The following KLHL24 variants were observed in gnomAD, a reference collection of about 807,000 sequenced individuals.
KLHL24 encodes the protein kelch like family member 24.
A neutral mutation model predicts 53.4 loss-of-function variants in KLHL24; 29 were observed. That is an observed-to-expected ratio of 0.54 (90% CI 0.40 to 0.74). The LOEUF (loss-of-function observed/expected upper bound fraction) is 0.74. KLHL24 is among the 30% of genes least tolerant of loss of function. The probability of loss-of-function intolerance (pLI) is 0.00; values close to 1 mark genes in which losing one functional copy is unlikely to be tolerated. For synonymous variants in KLHL24, 222 were observed against 253.7 expected, an observed-to-expected ratio of 0.88 and a Z score of 1.19; for missense variants, 504 against 744.0, an observed-to-expected ratio of 0.68 and a Z score of 3.75.
At chr3:183,654,937 A>G (rs374311607) in intron 3 of KLHL24, among the ~76,000 whole-genome samples, 3 of 152,238 alleles carry the variant, frequency 2.0e-5, no homozygotes, top group East Asian at 3.8e-4. Flanking sequence ...AATATATTGC[A>G]TCATATTAGG....
chr3:183,664,841 C>A lies in KLHL24; in HGVS notation c.1106-80C>A. ...TGAATGAATTCCATGTTTTCTTTAC[C>A]TATGCCTTGGTGGCACAGATCTCTT... On this transcript the variant is annotated intron_variant, in intron 4 of 7. Coordinates refer to ENST00000242810, the MANE Select transcript of KLHL24 (RefSeq NM_017644.3). The A allele has an allele frequency of 1.5e-6, 1 of 669,358 alleles. No individual in the cohort carries two copies. The highest frequency in any genetic ancestry group is 2.5e-6 in the Non-Finnish European group (1 of 397,760). 41.5% of individuals were successfully genotyped at this position (669,358 alleles called of 1,614,324 possible). A position where few individuals can be genotyped will look rare whatever the true frequency, so the allele number is the denominator to read the frequency against.
At chr3:183,649,488 G>A (rs553036437) in intron 2 of KLHL24, among the ~76,000 whole-genome samples, 9 of 147,822 alleles carry the variant, frequency 6.1e-5, no homozygotes, top group Non-Finnish European at 8.9e-5. Flanking sequence ...TAAATCTGTC[G>A]ACATAATTCT....
intron 2 of KLHL24, among the ~76,000 whole-genome samples, chr3:183,646,220 G>A (rs968259304): frequency 1.9e-4 from 29 of 151,648 alleles, no homozygotes; most frequent in Admixed American, 4.6e-4. Flanking sequence ...AAATTAGCCC[G>A]GCATGGTGGC....
In KLHL24 at chr3:183,665,115, C is replaced by T. The variant is rs1186015898; in HGVS notation, c.1224+76C>T. 4 of 770,452 alleles carry T rather than the reference C, an allele frequency of 5.2e-6. No homozygotes were observed. In the African/African-American group the frequency reaches 6.9e-5, roughly 13 times the overall value. 47.7% of individuals were successfully genotyped at this position (770,452 alleles called of 1,614,324 possible). A position where few individuals can be genotyped will look rare whatever the true frequency, so the allele number is the denominator to read the frequency against. ...TACCACAGCTGAATCTTTCATTTTA[C>T]TCACCCTCTGGGTATTTTGGATTCA... On this transcript the variant is annotated intron_variant, in intron 5 of 7. Coordinates refer to ENST00000242810, the MANE Select transcript of KLHL24 (RefSeq NM_017644.3).
At chr3:183,636,602 T>C (rs1421380988) in intron 1 of KLHL24, 1 of 152,268 alleles carries the variant, frequency 6.6e-6, no homozygotes, top group African/African-American at 2.4e-5. Flanking sequence ...ACACCCCGGG[T>C]GAAGACTGTT....
At chr3:183,678,580 T>C (rs1218905709) in intron 7 of KLHL24, among the ~76,000 whole-genome samples, 1 of 152,040 alleles carries the variant, frequency 6.6e-6, no homozygotes, top group African/African-American at 2.4e-5. Context: ...ATAGGTACAC[T>C]GTGTCATGGG....
rs140126479 is a variant in KLHL24, at chr3:183,652,513, T to C, written c.920+1237T>C. Among the ~76,000 whole-genome samples, 124 of 152,328 alleles carry C rather than the reference T, an allele frequency of 8.1e-4. 3 individuals carry two copies. In the East Asian group the frequency reaches 0.021, roughly 26 times the overall value. ...TTTTTAATTATACATTTCAGTAATG[T>C]TAAGTATATTTACATTGTTGTGAAA... On this transcript the variant is annotated intron_variant, in intron 3 of 7. Coordinates refer to ENST00000242810, the MANE Select transcript of KLHL24 (RefSeq NM_017644.3).
chr3:183,639,649 AAAAAT>A (rs67388542), intron 1 of KLHL24, among the ~76,000 whole-genome samples: 31,153 of 135,078 alleles, frequency 0.23, 3,829 homozygotes, highest in African/African-American at 0.29. Context: ...AAAAAAAAAA[AAAAAT>A]CTCAAATTTG....
Position 183,682,069 on chromosome 3 carries a change from TTTTTACA to T in KLHL24, c.*2787_*2793del, listed in dbSNP as rs999685014. 5 of 152,146 alleles carry T rather than the reference TTTTTACA, an allele frequency of 3.3e-5. No individual in the cohort carries two copies. Among genetic ancestry groups the T allele is most frequent in the African/African-American group, 1.2e-4 (5 of 41,444 alleles). The allele number at this position is 152,146 out of a possible 1,614,324, so 9.4% of individuals were successfully genotyped here. A position where few individuals can be genotyped will look rare whatever the true frequency, so the allele number is the denominator to read the frequency against. On this transcript the variant is annotated 3_prime_UTR_variant, in exon 8 of 8. Coordinates refer to ENST00000242810, the MANE Select transcript of KLHL24 (RefSeq NM_017644.3). ...TTTTTTATTTGGGCATTTCTAGAACTTTTTACATTTGAAAGTACATGATGAGTATTAG... is the reference window on the plus strand; with the variant it reads ...TTTTTTATTTGGGCATTTCTAGAACTTTTGAAAGTACATGATGAGTATTAG...
chr3:183,666,159 T>G (rs6796766), intron 5 of KLHL24, among the ~76,000 whole-genome samples: 61,462 of 152,106 alleles, frequency 0.4, 15,657 homozygotes, highest in African/African-American at 0.73. Context: ...GGGATTATAG[T>G]TATGAGCCAC....
At chr3:183,638,360 C>G (rs932683258) in intron 1 of KLHL24, among the ~76,000 whole-genome samples, 2 of 152,112 alleles carry the variant, frequency 1.3e-5, no homozygotes, top group East Asian at 3.8e-4. Flanking sequence ...TTTTAACTTC[C>G]TTTTCTCCCA....
intron 1 of KLHL24, chr3:183,636,815 C>CGCGGGTGCGGGAG (rs1715322541): frequency 6.6e-6 from 1 of 151,564 alleles, no homozygotes; most frequent in Admixed American, 6.6e-5. Flanking sequence ...AGCCGGGTGG[C>CGCGGGTGCGGGAG]GCGGGTGCGG....
At chr3:183,652,666 TA>T (rs540766359) in intron 3 of KLHL24, among the ~76,000 whole-genome samples, 1 of 152,328 alleles carries the variant, frequency 6.6e-6, no homozygotes, top group South Asian at 2.1e-4. Context: ...TTCGGAATGT[TA>T]AAAGTCAGCA....
chr3:183,645,588 AT>A (rs972864998), intron 2 of KLHL24, among the ~76,000 whole-genome samples: 11 of 151,472 alleles, frequency 7.3e-5, no homozygotes, highest in East Asian at 1.9e-4. Flanking sequence ...GAAGAAATCC[AT>A]TTTTTTTTAG....
Position 183,672,480 on chromosome 3 carries a change from G to A in KLHL24, c.1598G>A (p.Arg533His), listed in dbSNP as rs144571200. The A allele has an allele frequency of 1.9e-5, 31 of 1,600,600 alleles. No homozygotes were observed. Among genetic ancestry groups the A allele is most frequent in the Middle Eastern group, 1.7e-4 (1 of 6,020 alleles). The change falls in exon 7 of 8, where the codon CGT becomes CAT. Residue 533 changes from arginine to histidine, a missense_variant. Coordinates refer to ENST00000242810, the MANE Select transcript of KLHL24 (RefSeq NM_017644.3). ...ATGCACGTACAGAATACATTCAGCC[G>A]TCAGGTAATAACATAAAGCAGTACA... ...YWMHVQNTFS[R>H]QENCGMSVCN... is the part of the protein sequence containing the mutation.
chr3:183,646,682 T>A (rs1208846527), intron 2 of KLHL24, among the ~76,000 whole-genome samples: 1 of 152,126 alleles, frequency 6.6e-6, no homozygotes, highest in Non-Finnish European at 1.5e-5. Context: ...AAGTGCTAAT[T>A]GATATGAAGA....
Position 183,674,255 on chromosome 3 carries a change from C to CTTTCTT in KLHL24, c.1602+1773_1602+1778dup, listed in dbSNP as rs1475931207. ...CATTTAGCATCAATTTTCTTTCTTT[C>CTTTCTT]TTTCTTTCTTTCTTTCTTTCTTTCT... On this transcript the variant is annotated intron_variant, in intron 7 of 7. Coordinates refer to ENST00000242810, the MANE Select transcript of KLHL24 (RefSeq NM_017644.3). 3.5e-5 allele frequency among the ~76,000 whole-genome samples: 5 copies of CTTTCTT among 143,176 alleles called. No homozygotes were observed. The East Asian group carries it at 8.3e-4, about 24-fold the overall frequency. The allele number at this position is 143,176 out of a possible 152,430, so 93.9% of individuals were successfully genotyped here.
At chr3:183,670,992 G>T in intron 5 of KLHL24, 42 bp from the exon 6 acceptor site, 1 of 1,444,192 alleles carries the variant, frequency 6.9e-7, no homozygotes, top group South Asian at 1.2e-5. Flanking sequence ...TCAAAATTCA[G>T]ACTTTTGATA....
intron 3 of KLHL24, among the ~76,000 whole-genome samples, chr3:183,654,305 T>G (rs1408303094): frequency 2.6e-5 from 4 of 152,192 alleles, no homozygotes; most frequent in African/African-American, 9.7e-5. Flanking sequence ...AAATATTATC[T>G]GCCTGATTCA....
Sources: allele counts gnomAD v4.1 joint callset (sites outside exome capture counted in the v4.1 genomes callset), GRCh38; gene constraint gnomAD v4.1.1; transcripts MANE v1.5; gene names NCBI Gene and HGNC (gene_info 2026-07-23, HGNC 2026-07-21).